Variants in MAD1L1 observed in about 807,000 individuals in gnomAD.
MAD1L1 encodes mitotic arrest deficient 1 like 1, also known as mitotic spindle assembly checkpoint protein MAD1.
Under a neutral mutation model 96.9 loss-of-function variants are expected in MAD1L1, and 95 were observed. That is an observed-to-expected ratio of 0.98 (90% confidence interval 0.83 to 1.16). The LOEUF (loss-of-function observed/expected upper bound fraction) is 1.16, where lower values mean the gene tolerates loss of function less well. MAD1L1 is among the 50% of genes most tolerant of loss of function. The probability of loss-of-function intolerance (pLI) is 0.00; values close to 1 mark genes in which losing one functional copy is unlikely to be tolerated. For missense variants in MAD1L1, 1,007 were observed against 954.4 expected, an observed-to-expected ratio of 1.06 and a Z score of -0.73; for synonymous variants, 473 against 396.6, an observed-to-expected ratio of 1.19 and a Z score of -2.29.
intron 18 of MAD1L1, among the ~76,000 whole-genome samples, chr7:1,827,009 C>T (rs1388871144): frequency 3.9e-5 from 6 of 152,210 alleles, no homozygotes; most frequent in African/African-American, 1.4e-4. Flanking sequence ...CGCACACGGG[C>T]GTTCTGCTTT....
At chr7:2,053,108 G>A (rs551198908) in intron 12 of MAD1L1, among the ~76,000 whole-genome samples, 9 of 152,330 alleles carry the variant, frequency 5.9e-5, no homozygotes, top group East Asian at 3.9e-4. Flanking sequence ...ACAGCTACAC[G>A]TCTTGCGACT....
chr7:1,834,312 A>G (rs1464494290), intron 18 of MAD1L1, among the ~76,000 whole-genome samples: 4 of 152,212 alleles, frequency 2.6e-5, no homozygotes, highest in Non-Finnish European at 4.4e-5. Flanking sequence ...GAAAGAAAAT[A>G]AAGATCAAAG....
intron 17 of MAD1L1, among the ~76,000 whole-genome samples, chr7:1,914,901 C>T (rs1461117855): frequency 6.6e-6 from 1 of 152,212 alleles, no homozygotes; most frequent in Admixed American, 6.5e-5. Flanking sequence ...GGCATGAGTG[C>T]CGCGCCGGCC....
chr7:2,070,030 A>T (rs936627025), intron 11 of MAD1L1, among the ~76,000 whole-genome samples: 2 of 152,190 alleles, frequency 1.3e-5, no homozygotes, highest in African/African-American at 4.8e-5. Flanking sequence ...GCCACTGGGC[A>T]CCAAGCTGTC....
intron 16 of MAD1L1, among the ~76,000 whole-genome samples, chr7:1,957,164 A>T (rs1779762146): frequency 6.6e-6 from 1 of 152,242 alleles, no homozygotes; most frequent in African/African-American, 2.4e-5. Flanking sequence ...ATCGTCAGAA[A>T]CTGGTCATAA....
chr7:2,180,912 G>A (rs184999593), intron 10 of MAD1L1, among the ~76,000 whole-genome samples: 37 of 152,094 alleles, frequency 2.4e-4, no homozygotes, highest in Admixed American at 2.2e-3. Flanking sequence ...AACGTCCTGG[G>A]TAGAGCCTCC....
At chr7:1,910,263 A>G (rs1787930537) in intron 17 of MAD1L1, among the ~76,000 whole-genome samples, 1 of 152,124 alleles carries the variant, frequency 6.6e-6, no homozygotes, top group South Asian at 2.1e-4. Flanking sequence ...AAGGAGGGAC[A>G]TTGGCCCCCG....
At chr7:2,211,466 C>G (rs181958975) in intron 10 of MAD1L1, among the ~76,000 whole-genome samples, 1 of 152,270 alleles carries the variant, frequency 6.6e-6, no homozygotes, top group Admixed American at 6.5e-5. Flanking sequence ...CCAGGGCAAA[C>G]TGCACACTGG....
intron 10 of MAD1L1, among the ~76,000 whole-genome samples, chr7:2,178,855 T>A (rs1365686051): frequency 6.8e-6 from 1 of 146,612 alleles, no homozygotes; most frequent in East Asian, 2.0e-4. Flanking sequence ...TGAGATCACA[T>A]CACTGCACTT....
intron 11 of MAD1L1, among the ~76,000 whole-genome samples, chr7:2,080,729 T>C (rs3800878): frequency 3.7e-4 from 57 of 152,100 alleles, no homozygotes; most frequent in African/African-American, 1.3e-3. Context: ...TGCATTCAGA[T>C]GAGGTGCGGA....
intron 18 of MAD1L1, among the ~76,000 whole-genome samples, chr7:1,823,215 A>G (rs976533764): frequency 6.6e-6 from 1 of 152,014 alleles, no homozygotes; most frequent in Non-Finnish European, 1.5e-5. Flanking sequence ...CACTTAGTTA[A>G]AAAAAAATTT....
intron 10 of MAD1L1, among the ~76,000 whole-genome samples, chr7:2,161,574 G>C (rs1790128558): frequency 1.3e-5 from 2 of 151,556 alleles, no homozygotes; most frequent in South Asian, 4.2e-4. Flanking sequence ...CCATCGTGTG[G>C]GATGTGAGGA....
rs370341814 is a variant in MAD1L1 at position 1,905,191 on chromosome 7, C to T, written c.1808-6801G>A. ...CAGGCAGTGAGGACGCAGTGGCCTACGGAAGACGCTCTTGCGGAATTCATG... is the reference window on the plus strand; with the variant it reads ...CAGGCAGTGAGGACGCAGTGGCCTATGGAAGACGCTCTTGCGGAATTCATG... On this transcript the variant is annotated intron_variant, in intron 17 of 18. Transcript: ENST00000265854. Among the ~76,000 whole-genome samples the T allele has an allele frequency of 7.3e-4, 42 of 57,672 alleles. 6 individuals carry two copies. Among genetic ancestry groups the T allele is most frequent in the Middle Eastern group, 0.015 (1 of 68 alleles). The allele number at this position is 57,672 out of a possible 152,430, so 37.8% of individuals were successfully genotyped here. A position where few individuals can be genotyped will look rare whatever the true frequency, so the allele number is the denominator to read the frequency against.
At chr7:1,937,441 G>A (rs1778673673) in intron 16 of MAD1L1, among the ~76,000 whole-genome samples, 1 of 152,228 alleles carries the variant, frequency 6.6e-6, no homozygotes, top group South Asian at 2.1e-4. Context: ...ACGAAACCCA[G>A]GGCCGGGATG....
chr7:2,162,637 T>G (rs187967428), intron 10 of MAD1L1, among the ~76,000 whole-genome samples: 2 of 125,212 alleles, frequency 1.6e-5, no homozygotes, highest in Non-Finnish European at 3.4e-5. Context: ...GTAAATGATA[T>G]CTTAAAAAAA....
At position 1,847,930 on chromosome 7, in the gene MAD1L1, G is replaced by A. The variant is rs1292272799; in HGVS notation, c.1999-31702C>T. ...CACGCAGCTGCTCACCTACACAGCCGGTTTCTCCAGGGCTAACAGGCCACC... is the reference window on the plus strand; with the variant it reads ...CACGCAGCTGCTCACCTACACAGCCAGTTTCTCCAGGGCTAACAGGCCACC... On this transcript the variant is annotated intron_variant, in intron 18 of 18. Coordinates refer to ENST00000265854, the MANE Select transcript of MAD1L1 (RefSeq NM_001013836.2). The A allele has an allele frequency of 8.2e-5, 29 of 354,494 alleles. No homozygotes were observed. The Admixed American group carries it at 1.0e-3, about 12-fold the overall frequency. The allele number at this position is 354,494 out of a possible 1,614,324, so 22.0% of individuals were successfully genotyped here. A position where few individuals can be genotyped will look rare whatever the true frequency, so the allele number is the denominator to read the frequency against.
rs1354249361 is a variant in MAD1L1 at position 2,078,653 on chromosome 7, G to A, written c.1074-9315C>T. On this transcript the variant is annotated intron_variant, in intron 11 of 18. Transcript: ENST00000265854. ...TCCCACTCTCGCCCGAGCAGCTTTC[G>A]GCTGCAGGGGGTGCTCCTGGGTACA... Among the ~76,000 whole-genome samples, 5 of 152,194 alleles carry A rather than the reference G, an allele frequency of 3.3e-5. No individual in the cohort carries two copies. In the East Asian group the frequency reaches 5.8e-4, roughly 18 times the overall value.
intron 5 of MAD1L1, among the ~76,000 whole-genome samples, chr7:2,219,759 C>T (rs904606436): frequency 4.6e-5 from 7 of 152,074 alleles, no homozygotes; most frequent in Non-Finnish European, 8.8e-5. Context: ...GTCAGGCAGA[C>T]GCTCACACGC....
At chr7:1,853,121 T>C (rs1784065171) in intron 18 of MAD1L1, among the ~76,000 whole-genome samples, 2 of 152,210 alleles carry the variant, frequency 1.3e-5, no homozygotes, top group South Asian at 4.2e-4. Flanking sequence ...AGGAAGTGCA[T>C]CTGGGCTGAG....
Sources: allele counts gnomAD v4.1 joint callset (sites outside exome capture counted in the v4.1 genomes callset), GRCh38; gene constraint gnomAD v4.1.1; transcripts MANE v1.5; gene names NCBI Gene and HGNC (gene_info 2026-07-23, HGNC 2026-07-21).